Variants in MYO5B observed in about 807,000 individuals in gnomAD.
The protein encoded by MYO5B is myosin VB, also known as unconventional myosin-Vb.
Under a neutral mutation model 229.3 loss-of-function variants are expected in MYO5B, and 143 were observed. The observed-to-expected ratio is 0.62, with a 90% CI of 0.54 to 0.72. The LOEUF (loss-of-function observed/expected upper bound fraction) is 0.72, where lower values mean the gene tolerates loss of function less well. Among genes scored for constraint, MYO5B ranks in the 30% least tolerant of loss-of-function variants. The probability of loss-of-function intolerance (pLI) is 0.00; values close to 1 mark genes in which losing one functional copy is unlikely to be tolerated. For missense variants in MYO5B, 2,321 were observed against 2,331.0 expected, an observed-to-expected ratio of 1.00 and a Z score of 0.09; for synonymous variants, 918 against 885.2, an observed-to-expected ratio of 1.04 and a Z score of -0.66.
chr18:50,094,619 A>T (rs1360801459), intron 1 of MYO5B, among the ~76,000 whole-genome samples: 1 of 152,212 alleles, frequency 6.6e-6, no homozygotes, highest in Non-Finnish European at 1.5e-5. Flanking sequence ...CCATGGGAAC[A>T]TTTACCAAAC....
At chr18:49,922,920 T>C (rs1349016870) in intron 17 of MYO5B, among the ~76,000 whole-genome samples, 1 of 152,172 alleles carries the variant, frequency 6.6e-6, no homozygotes, top group African/African-American at 2.4e-5. Context: ...GCAGCTCGGA[T>C]TCGCAGCAAG....
In MYO5B at chr18:49,906,484, T is replaced by C. The variant is rs1339010676; in HGVS notation, c.2349A>G (p.Lys783=). The C allele has an allele frequency of 5.6e-6, 9 of 1,614,194 alleles. No homozygotes were observed. The highest frequency in any genetic ancestry group is 7.6e-6 in the Non-Finnish European group (9 of 1,180,044). The change falls in exon 19 of 40, where the codon AAA becomes AAG. Residue 783 remains lysine, a synonymous_variant. Transcript: ENST00000285039. ...AGGTAGCCCCCTTCAGCCTGTGATA[T>C]TTCACCTTCTGCAGCCATCCCCGGA... is the stretch of plus-strand genomic sequence containing the variant. ...KTVRGWLQKV[K]YHRLKGATLT...
chr18:50,121,061 A>G (rs1014541318), intron 1 of MYO5B, among the ~76,000 whole-genome samples: 1 of 152,128 alleles, frequency 6.6e-6, no homozygotes, highest in African/African-American at 2.4e-5. Context: ...CCCCACTCCC[A>G]TATCTGAGAT....
chr18:49,943,530 C>T (rs2025339510), intron 14 of MYO5B, among the ~76,000 whole-genome samples: 1 of 152,162 alleles, frequency 6.6e-6, no homozygotes. Context: ...GTATTAGGTA[C>T]TCAATTCCAT....
At chr18:49,971,568 A>ATCTCCTAAGAGT (rs770448926) in intron 10 of MYO5B, among the ~76,000 whole-genome samples, 1 of 152,154 alleles carries the variant, frequency 6.6e-6, no homozygotes, top group African/African-American at 2.4e-5. Flanking sequence ...GTTGATTTTA[A>ATCTCCTAAGAGT]TCTCCTAAGA....
chr18:50,065,323 T>C (rs2030792960), intron 1 of MYO5B, among the ~76,000 whole-genome samples: 1 of 152,202 alleles, frequency 6.6e-6, no homozygotes, highest in Non-Finnish European at 1.5e-5. Flanking sequence ...TGTCTTAGTC[T>C]GTTTTCACAC....
intron 32 of MYO5B, 66 bp from the exon 33 acceptor site, chr18:49,847,355 A>G: frequency 6.4e-7 from 1 of 1,571,408 alleles, no homozygotes; most frequent in Non-Finnish European, 8.6e-7. Context: ...GGTAGCGGGC[A>G]TCTCTGGCGG....
intron 1 of MYO5B, among the ~76,000 whole-genome samples, chr18:50,096,715 T>G (rs894457641): frequency 2.6e-5 from 4 of 152,196 alleles, no homozygotes; most frequent in Admixed American, 1.3e-4. Flanking sequence ...TTGTTCACAA[T>G]ACATACTCTT....
chr18:50,063,991 T>A (rs2030756334), intron 1 of MYO5B: 1 of 152,350 alleles, frequency 6.6e-6, no homozygotes, highest in Non-Finnish European at 1.5e-5. Context: ...GCTGAATCAT[T>A]TTATCCAACT....
At chr18:50,112,202 G>A (rs780830879) in intron 1 of MYO5B, among the ~76,000 whole-genome samples, 1 of 152,114 alleles carries the variant, frequency 6.6e-6, no homozygotes, top group African/African-American at 2.4e-5. Flanking sequence ...TATTGAGTAG[G>A]GAAAAAGTAT....
chr18:49,927,942 G>C (rs1016644028), intron 17 of MYO5B, among the ~76,000 whole-genome samples: 8 of 152,198 alleles, frequency 5.3e-5, no homozygotes, highest in African/African-American at 1.9e-4. Context: ...ATAATCACCA[G>C]AGTAAACAGA....
Position 50,091,498 on chromosome 18 carries a change from C to T in MYO5B, c.28-36120G>A, listed in dbSNP as rs570889076. On this transcript the variant is annotated intron_variant, in intron 1 of 39. Transcript: ENST00000285039. The stretch of plus-strand genomic sequence containing the variant: ...TAATTAACATACACAATCTCATCCC[C>T]GAATCCTTACAACCATCCTATGGGG... Among the ~76,000 whole-genome samples, 41 of 152,280 alleles carry T rather than the reference C, an allele frequency of 2.7e-4. No homozygotes were observed. The South Asian group carries it at 7.7e-3, about 28-fold the overall frequency.
At chr18:49,945,692 G>A (rs945637681) in intron 14 of MYO5B, among the ~76,000 whole-genome samples, 6 of 152,134 alleles carry the variant, frequency 3.9e-5, no homozygotes, top group Admixed American at 1.3e-4. Flanking sequence ...TAGATGAACA[G>A]TGTTCAGGTG....
intron 13 of MYO5B, among the ~76,000 whole-genome samples, chr18:49,954,008 GTGTGTATGTATTTATA>G (rs2025461324): frequency 7.5e-6 from 1 of 133,712 alleles, no homozygotes; most frequent in Non-Finnish European, 1.6e-5. Context: ...AGACATATAT[GTGTGTATGTATTTATA>G]TGTGTGTGTG....
rs8085772 is a variant in MYO5B, at chr18:50,187,250, G to T, written c.27+7517C>A. Among the ~76,000 whole-genome samples, 8 of 152,090 alleles carry T rather than the reference G, an allele frequency of 5.3e-5. No individual in the cohort carries two copies. The South Asian group carries it at 8.3e-4, about 16-fold the overall frequency. On this transcript the variant is annotated intron_variant, in intron 1 of 39. Transcript: ENST00000285039. Reference sequence around the variant, plus strand: ...AATTTCTACATAACTACAAAAAGTAGTAATGAGTACACCTAGCAACCAGAT... The same window carrying T: ...AATTTCTACATAACTACAAAAAGTATTAATGAGTACACCTAGCAACCAGAT...
intron 22 of MYO5B, 126 bp from the exon 23 acceptor site, chr18:49,880,581 G>C: frequency 2.5e-6 from 2 of 801,512 alleles, no homozygotes; most frequent in Non-Finnish European, 4.3e-6. Flanking sequence ...TTTGGTTAAA[G>C]CTTCTTTTGT....
intron 14 of MYO5B, among the ~76,000 whole-genome samples, chr18:49,941,094 T>C (rs759755869): frequency 2.0e-5 from 3 of 152,226 alleles, no homozygotes; most frequent in Non-Finnish European, 4.4e-5. Context: ...CTGTGTTTCA[T>C]GTGCACCTAC....
At chr18:50,184,303 G>A (rs77297392) in intron 1 of MYO5B, among the ~76,000 whole-genome samples, 4,247 of 152,140 alleles carry the variant, frequency 0.028, 182 homozygotes, top group African/African-American at 0.095. Flanking sequence ...ACCACCTGCC[G>A]TTCTTTCTGC....
At chr18:50,096,174 T>C (rs1202359271) in intron 1 of MYO5B, among the ~76,000 whole-genome samples, 1 of 152,170 alleles carries the variant, frequency 6.6e-6, no homozygotes, top group Non-Finnish European at 1.5e-5. Context: ...CCACATTAAA[T>C]AGCCACATTT....
Sources: gnomAD v4.1 joint callset for allele counts (sites outside exome capture counted in the v4.1 genomes callset) on GRCh38, gnomAD v4.1.1 for gene constraint, MANE v1.5 for transcripts, NCBI Gene and HGNC (gene_info 2026-07-23, HGNC 2026-07-21) for gene names.